The following ADAMTS19 variants were observed in gnomAD, a reference collection of about 807,000 sequenced individuals.
ADAMTS19 encodes ADAM metallopeptidase with thrombospondin type 1 motif 19.
Under a neutral mutation model 153.3 loss-of-function variants are expected in ADAMTS19, and 93 were observed. The ratio of observed to expected loss-of-function variants is 0.61; its 90% CI spans 0.51 to 0.72. ADAMTS19 has a LOEUF of 0.72. ADAMTS19 is among the 30% of genes least tolerant of loss of function. ADAMTS19 has a pLI of 0.00. For missense variants in ADAMTS19, 1,482 were observed against 1,552.1 expected (o/e 0.95, Z 0.76); for synonymous variants, 600 against 556.6 (o/e 1.08, Z -1.10).
chr5:129,504,195 C>T (rs1308831956), intron 2 of ADAMTS19, among the ~76,000 whole-genome samples: 1 of 152,130 alleles, frequency 6.6e-6, no homozygotes, highest in Non-Finnish European at 1.5e-5. Context: ...CTATTTGCCC[C>T]CACTCATAAT....
chr5:129,652,786 G>C (rs1277280496), intron 13 of ADAMTS19, among the ~76,000 whole-genome samples: 1 of 152,104 alleles, frequency 6.6e-6, no homozygotes, highest in African/African-American at 2.4e-5. Flanking sequence ...TATCTGGTTT[G>C]CTCTTCTCTT....
chr5:129,646,879 T>C (rs1753086972), intron 11 of ADAMTS19, among the ~76,000 whole-genome samples: 1 of 152,112 alleles, frequency 6.6e-6, no homozygotes, highest in Admixed American at 6.6e-5. Context: ...TTTGTTACTC[T>C]TACCATGTTT....
At chr5:129,514,338 C>T (rs1751529266) in intron 3 of ADAMTS19, among the ~76,000 whole-genome samples, 1 of 151,924 alleles carries the variant, frequency 6.6e-6, no homozygotes, top group Non-Finnish European at 1.5e-5. Flanking sequence ...TGGTAGCTCT[C>T]TTTTTAATGT....
At chr5:129,611,699 G>T (rs1454718067) in intron 8 of ADAMTS19, among the ~76,000 whole-genome samples, 1 of 152,066 alleles carries the variant, frequency 6.6e-6, no homozygotes, top group African/African-American at 2.4e-5. Flanking sequence ...TAGCCTTGTA[G>T]TTTAGTTTGA....
intron 2 of ADAMTS19, among the ~76,000 whole-genome samples, chr5:129,485,273 A>G (rs1031391830): frequency 2.0e-5 from 3 of 152,184 alleles, no homozygotes; most frequent in Non-Finnish European, 4.4e-5. Flanking sequence ...AAGAAATCCC[A>G]AAAGAACTTA....
intron 15 of ADAMTS19, among the ~76,000 whole-genome samples, chr5:129,661,533 A>G (rs1406017197): frequency 2.6e-5 from 4 of 152,180 alleles, no homozygotes; most frequent in Admixed American, 2.6e-4. Flanking sequence ...TATATATTGT[A>G]TGAGTAACCC....
intron 11 of ADAMTS19, among the ~76,000 whole-genome samples, chr5:129,646,819 C>T (rs1228781139): frequency 2.0e-5 from 3 of 152,130 alleles, no homozygotes; most frequent in African/African-American, 7.2e-5. Context: ...CATCGTTATA[C>T]AATCACTAAT....
chr5:129,597,776 C>T (rs1750450694), intron 8 of ADAMTS19, among the ~76,000 whole-genome samples: 1 of 151,816 alleles, frequency 6.6e-6, no homozygotes, highest in Non-Finnish European at 1.5e-5. Context: ...GTGGTACGCG[C>T]CTGTAGTCCC....
intron 7 of ADAMTS19, among the ~76,000 whole-genome samples, chr5:129,583,739 G>T (rs1749641680): frequency 6.6e-6 from 1 of 151,650 alleles, no homozygotes; most frequent in Non-Finnish European, 1.5e-5. Flanking sequence ...CGAAGTTCTT[G>T]TGCTGTGTTT....
intron 2 of ADAMTS19, among the ~76,000 whole-genome samples, chr5:129,490,872 GA>G (rs1204862814): frequency 1.3e-5 from 2 of 152,010 alleles, no homozygotes; most frequent in Admixed American, 1.3e-4. Flanking sequence ...GGTAAATTAT[GA>G]GATACAGTTT....
chr5:129,582,698 G>A (rs917312673), intron 7 of ADAMTS19, among the ~76,000 whole-genome samples: 2 of 151,280 alleles, frequency 1.3e-5, no homozygotes, highest in Admixed American at 6.6e-5. Context: ...TCAGCCTCTC[G>A]AGTAGCTGGG....
At position 129,622,898 on chromosome 5, in the gene ADAMTS19, GTTC is replaced by G. The variant is rs1230809203; in HGVS notation, c.1770+553_1770+555del. Among the ~76,000 whole-genome samples, 16 of 151,824 alleles carry G rather than the reference GTTC, an allele frequency of 1.1e-4. No homozygotes were observed. The East Asian group carries it at 2.7e-3, about 26-fold the overall frequency. ...TTTGTATTATTTATATTGTTGTATT[GTTC>G]TTTTTTTTAAATTTGTTTTTATCTG... On this transcript the variant is annotated intron_variant, in intron 10 of 22. Transcript: ENST00000274487.
At chr5:129,480,261 G>A (rs1358717135) in intron 2 of ADAMTS19, among the ~76,000 whole-genome samples, 1 of 152,130 alleles carries the variant, frequency 6.6e-6, no homozygotes, top group Non-Finnish European at 1.5e-5. Flanking sequence ...AATCTTGACA[G>A]CTGCCTCACA....
intron 6 of ADAMTS19, among the ~76,000 whole-genome samples, chr5:129,540,639 T>C (rs1303998895): frequency 2.0e-5 from 3 of 152,120 alleles, no homozygotes; most frequent in Non-Finnish European, 4.4e-5. Flanking sequence ...AACATATGAA[T>C]TGCAAAAGTA....
chr5:129,572,275 T>C (rs571835109), intron 7 of ADAMTS19, among the ~76,000 whole-genome samples: 1 of 152,044 alleles, frequency 6.6e-6, no homozygotes, highest in African/African-American at 2.4e-5. Flanking sequence ...TGTAAATTAC[T>C]CAACATTAAG....
intron 7 of ADAMTS19, among the ~76,000 whole-genome samples, chr5:129,553,249 G>T (rs1324995831): frequency 6.6e-6 from 1 of 151,982 alleles, no homozygotes; most frequent in Non-Finnish European, 1.5e-5. Flanking sequence ...AGCAACTCAG[G>T]CGCCATCTTC....
At position 129,648,988 on chromosome 5, in the gene ADAMTS19, A is replaced by G; in HGVS notation, c.2176+18A>G. 1 of 1,549,612 alleles carries G rather than the reference A, an allele frequency of 6.5e-7. No individual in the cohort carries two copies. The highest frequency in any genetic ancestry group is 8.8e-7 in the Non-Finnish European group (1 of 1,138,862). On this transcript the variant is annotated intron_variant, in intron 13 of 22. Transcript: ENST00000274487. ...GGATGAAGGTATGACCAACCAGATC[A>G]CCACCATCTTTGTTAACTAGATTTC...
rs1194113436 is a variant in ADAMTS19 at position 129,704,265 on chromosome 5, A to T, written c.3186A>T (p.Ile1062=). Reference sequence around the variant, plus strand: ...GTTCAGTCAAGTGTGGCAAAGGCATACGTCATCGGACCGTTAGATGTACCA... The same window carrying T: ...GTTCAGTCAAGTGTGGCAAAGGCATTCGTCATCGGACCGTTAGATGTACCA... ...SECSVKCGKG[I]RHRTVRCTNP... The change falls in exon 21 of 23, where the codon ATA becomes ATT. Residue 1062 remains isoleucine (I), a synonymous_variant. Coordinates refer to ENST00000274487, the MANE Select transcript of ADAMTS19 (RefSeq NM_133638.6). 3 of 1,613,910 alleles carry T rather than the reference A, an allele frequency of 1.9e-6. No homozygotes were observed. The highest frequency in any genetic ancestry group is 8.5e-7 in the Non-Finnish European group (1 of 1,179,954).
intron 21 of ADAMTS19, among the ~76,000 whole-genome samples, chr5:129,707,228 C>T (rs920350326): frequency 3.3e-5 from 5 of 152,164 alleles, no homozygotes; most frequent in Non-Finnish European, 5.9e-5. Context: ...CTTGGGCTGT[C>T]CTAAAACCAA....
Sources: allele counts gnomAD v4.1 joint callset (sites outside exome capture counted in the v4.1 genomes callset), GRCh38; gene constraint gnomAD v4.1.1; transcripts MANE v1.5; gene names NCBI Gene and HGNC (gene_info 2026-07-23, HGNC 2026-07-21).